TMEM74: variants seen among roughly 807,000 people sequenced by gnomAD.
The protein encoded by TMEM74 is transmembrane protein 74.
TMEM74 carries 13 observed loss-of-function variants against 18.1 expected under a neutral mutation model. The observed-to-expected ratio is 0.72, with a 90% CI of 0.47 to 1.14. The LOEUF (loss-of-function observed/expected upper bound fraction) is 1.14. TMEM74 is among the 50% of genes most tolerant of loss of function. The probability of loss-of-function intolerance (pLI) is 0.00; values close to 1 mark genes in which losing one functional copy is unlikely to be tolerated. For missense variants in TMEM74, 372 were observed against 375.9 expected (o/e 0.99, Z 0.09); for synonymous variants, 159 against 146.6 (o/e 1.08, Z -0.61).
At chr8:108,718,560 C>T (rs1420933944) in intron 1 of TMEM74, among the ~76,000 whole-genome samples, 1 of 152,094 alleles carries the variant, frequency 6.6e-6, no homozygotes, top group Non-Finnish European at 1.5e-5. Context: ...AGTGATAACA[C>T]CTGCTAGAAA....
At chr8:108,687,153 G>A (rs3019416) in intron 1 of TMEM74, among the ~76,000 whole-genome samples, 109,790 of 151,866 alleles carry the variant, frequency 0.72, 40,181 homozygotes, top group East Asian at 0.99. Context: ...TAACTTCCAG[G>A]TGATTATACA....
At chr8:108,772,039 A>C (rs1563547869) in intron 1 of TMEM74, among the ~76,000 whole-genome samples, 1 of 152,176 alleles carries the variant, frequency 6.6e-6, no homozygotes, top group Non-Finnish European at 1.5e-5. Flanking sequence ...TTAATATTTT[A>C]ATATGAATTT....
At chr8:108,736,954 C>T (rs149725304) in intron 1 of TMEM74, among the ~76,000 whole-genome samples, 7 of 152,252 alleles carry the variant, frequency 4.6e-5, no homozygotes, top group Middle Eastern at 3.4e-3. Context: ...TTATGCTCCA[C>T]TATAGATGCC....
At chr8:108,773,519 C>T (rs143479165) in intron 1 of TMEM74, among the ~76,000 whole-genome samples, 3 of 152,254 alleles carry the variant, frequency 2.0e-5, no homozygotes, top group East Asian at 3.9e-4. Flanking sequence ...AACGGTAGAG[C>T]CTAGTTTCAC....
rs1814318285 is a variant in TMEM74 at position 108,782,410 on chromosome 8, T to TGCA, written c.*1770_*1771insTGC. 6.6e-6 allele frequency among the ~76,000 whole-genome samples: 1 copy of TGCA among 152,208 alleles called. No homozygotes were observed. Among genetic ancestry groups the TGCA allele is most frequent in the Non-Finnish European group, 1.5e-5 (1 of 68,034 alleles). On this transcript the variant is annotated 3_prime_UTR_variant, in exon 2 of 2. Transcript: ENST00000297459. ...GCAATTAACTACATCTAGCTTCCTC[T>TGCA]GATGGCCATATAATTTCTCATTTTT...
intron 2 of TMEM74, among the ~76,000 whole-genome samples, chr8:108,621,082 T>C (rs1812435751): frequency 6.6e-6 from 1 of 152,044 alleles, no homozygotes; most frequent in Non-Finnish European, 1.5e-5. Context: ...CCCAGCTGAA[T>C]TTGTTTTGAT....
At chr8:108,651,085 T>A (rs1371420797) in intron 2 of TMEM74, among the ~76,000 whole-genome samples, 2 of 152,190 alleles carry the variant, frequency 1.3e-5, no homozygotes, top group Admixed American at 6.5e-5. Context: ...TTTTATGTCT[T>A]AATCTTCTCC....
At chr8:108,722,742 AT>A (rs72170216) in intron 1 of TMEM74, among the ~76,000 whole-genome samples, 8,677 of 150,256 alleles carry the variant, frequency 0.058, 815 homozygotes, top group African/African-American at 0.2. Flanking sequence ...ACTAAGCTGT[AT>A]TTTTTTTTTA....
Position 108,781,772 on chromosome 8 carries a change from C to T in TMEM74, c.*2409G>A, listed in dbSNP as rs1814309665. 6.6e-6 allele frequency among the ~76,000 whole-genome samples: 1 copy of T among 152,078 alleles called. No homozygotes were observed. Among genetic ancestry groups the T allele is most frequent in the Non-Finnish European group, 1.5e-5 (1 of 68,004 alleles). On this transcript the variant is annotated 3_prime_UTR_variant, in exon 2 of 2. Coordinates refer to ENST00000297459, the MANE Select transcript of TMEM74 (RefSeq NM_153015.3). ...ATTTTGATGTGTTAGGTCTTTTTCT[C>T]CCCCGTTGAATATTTTTTTTCCAAA...
intron 1 of TMEM74, among the ~76,000 whole-genome samples, chr8:108,733,605 CTATA>C (rs1266008609): frequency 1.3e-5 from 2 of 152,142 alleles, no homozygotes; most frequent in East Asian, 3.9e-4. Flanking sequence ...ACTGAACAAA[CTATA>C]TACTTAAGAT....
chr8:108,745,428 CA>C (rs1563540716), intron 1 of TMEM74, among the ~76,000 whole-genome samples: 1 of 151,938 alleles, frequency 6.6e-6, no homozygotes, highest in South Asian at 2.1e-4. Context: ...TTTTATATTT[CA>C]AAAAAAGCTA....
At chr8:108,753,986 T>C (rs1290749228) in intron 1 of TMEM74, among the ~76,000 whole-genome samples, 3 of 152,092 alleles carry the variant, frequency 2.0e-5, no homozygotes, top group Non-Finnish European at 4.4e-5. Flanking sequence ...CACATACTGC[T>C]AGGCCCAACC....
intron 1 of TMEM74, among the ~76,000 whole-genome samples, chr8:108,693,396 G>C (rs1471177620): frequency 6.6e-6 from 1 of 152,180 alleles, no homozygotes; most frequent in Non-Finnish European, 1.5e-5. Flanking sequence ...CTCAATCTCC[G>C]TATCTACTTT....
At chr8:108,682,317 C>G (rs901619592) in intron 1 of TMEM74, among the ~76,000 whole-genome samples, 3 of 152,062 alleles carry the variant, frequency 2.0e-5, no homozygotes, top group Non-Finnish European at 4.4e-5. Flanking sequence ...ACCTACCTAA[C>G]ATCTATCATC....
intron 1 of TMEM74, among the ~76,000 whole-genome samples, chr8:108,692,685 G>C (rs3019420): frequency 0.68 from 103,110 of 151,792 alleles, 35,373 homozygotes; most frequent in East Asian, 0.86. Context: ...ATTTGCCCCA[G>C]CCTGCAAAAA....
At chr8:108,737,158 C>T (rs527488252) in intron 1 of TMEM74, among the ~76,000 whole-genome samples, 81 of 152,128 alleles carry the variant, frequency 5.3e-4, no homozygotes, top group Middle Eastern at 3.4e-3. Flanking sequence ...GGGTTCATAC[C>T]CTGGCTCTGC....
At chr8:108,613,803 A>G (rs1812357946) in intron 2 of TMEM74, among the ~76,000 whole-genome samples, 1 of 152,214 alleles carries the variant, frequency 6.6e-6, no homozygotes. Flanking sequence ...CAAATGGGAC[A>G]GTATCATGTC....
At chr8:108,679,744 G>T (rs971169685) in intron 1 of TMEM74, among the ~76,000 whole-genome samples, 15 of 152,070 alleles carry the variant, frequency 9.9e-5, no homozygotes, top group South Asian at 8.3e-4. Context: ...AGAAGCTCTT[G>T]AGTTTAATTA....
chr8:108,710,607 C>T (rs1813464714), intron 1 of TMEM74, among the ~76,000 whole-genome samples: 1 of 152,226 alleles, frequency 6.6e-6, no homozygotes, highest in Non-Finnish European at 1.5e-5. Flanking sequence ...CTCTCATCAG[C>T]AGCTTACTCA....
Sources: allele counts gnomAD v4.1 joint callset (sites outside exome capture counted in the v4.1 genomes callset), GRCh38; gene constraint gnomAD v4.1.1; transcripts MANE v1.5; gene names NCBI Gene and HGNC (gene_info 2026-07-23, HGNC 2026-07-21).